FLT1: variants seen among roughly 807,000 people sequenced by gnomAD.
FLT1 encodes the protein fms related receptor tyrosine kinase 1.
Under a neutral mutation model 156.3 loss-of-function variants are expected in FLT1, and 49 were observed. That is an observed-to-expected ratio of 0.31 (90% confidence interval 0.25 to 0.40). FLT1 has a LOEUF of 0.40. Among genes scored for constraint, FLT1 ranks in the 10% least tolerant of loss-of-function variants. The probability of loss-of-function intolerance (pLI) is 1.00; values close to 1 mark genes in which losing one functional copy is unlikely to be tolerated. For missense variants in FLT1, 1,322 were observed against 1,637.2 expected (o/e 0.81, Z 3.32); for synonymous variants, 594 against 583.8 (o/e 1.02, Z -0.25).
chr13:28,435,942 G>A (rs573967462), intron 4 of FLT1, among the ~76,000 whole-genome samples: 1 of 152,302 alleles, frequency 6.6e-6, no homozygotes, highest in South Asian at 2.1e-4. Flanking sequence ...ATTTAAGTCA[G>A]GGACTGAAAT....
At chr13:28,433,397 T>C (rs924650098) in intron 6 of FLT1, among the ~76,000 whole-genome samples, 14 of 152,320 alleles carry the variant, frequency 9.2e-5, no homozygotes, top group African/African-American at 3.1e-4. Context: ...TGCCTGACTG[T>C]CTGCCAGTAT....
intron 25 of FLT1, among the ~76,000 whole-genome samples, chr13:28,315,262 AAC>A (rs1871152178): frequency 6.6e-6 from 1 of 152,232 alleles, no homozygotes; most frequent in South Asian, 2.1e-4. Context: ...TTATAATAAA[AAC>A]TAATTTCAGG....
chr13:28,324,679 G>C (rs1871602828), intron 20 of FLT1, among the ~76,000 whole-genome samples: 3 of 152,212 alleles, frequency 2.0e-5, no homozygotes, highest in Admixed American at 6.5e-5. Flanking sequence ...TCCTTTGTGG[G>C]ACAGAAGGCA....
chr13:28,398,436 T>C (rs1268990090), intron 11 of FLT1, among the ~76,000 whole-genome samples: 1 of 152,240 alleles, frequency 6.6e-6, no homozygotes, highest in African/African-American at 2.4e-5. Flanking sequence ...TTCTAAGTAA[T>C]GTGCTAGGCA....
rs759739824 is a variant in FLT1, at chr13:28,390,109, A to G, written c.1661-5T>C. The G allele has an allele frequency of 5.6e-6, 9 of 1,611,694 alleles. No individual in the cohort carries two copies. Among genetic ancestry groups the G allele is most frequent in the African/African-American group, 2.7e-5 (2 of 74,902 alleles). On this transcript the variant is annotated splice_polypyrimidine_tract_variant and splice_region_variant and intron_variant, in intron 12 of 29. Coordinates refer to ENST00000282397, the MANE Select transcript of FLT1 (RefSeq NM_002019.4). ...CATGAAACCCATTTGGCACATCTAT[A>G]AAATAAGAATAAAGAACTTCAGTTC...
chr13:28,450,779 G>T (rs1878884644), intron 3 of FLT1, among the ~76,000 whole-genome samples: 1 of 152,172 alleles, frequency 6.6e-6, no homozygotes, highest in Non-Finnish European at 1.5e-5. Context: ...CTGAGGCCCA[G>T]AGAGGAGAGA....
intron 16 of FLT1, among the ~76,000 whole-genome samples, chr13:28,344,007 G>GC (rs1555302045): frequency 2.1e-5 from 3 of 146,172 alleles, no homozygotes; most frequent in African/African-American, 4.9e-5. Flanking sequence ...ATTCACTCTT[G>GC]CCCCCCACCA....
At chr13:28,490,919 G>T (rs1207138563) in intron 1 of FLT1, among the ~76,000 whole-genome samples, 1 of 152,166 alleles carries the variant, frequency 6.6e-6, no homozygotes, top group Admixed American at 6.5e-5. Flanking sequence ...ACACCAGCAG[G>T]CTTCGCATTT....
chr13:28,465,839 AAAAC>A (rs10673633), intron 3 of FLT1, among the ~76,000 whole-genome samples: 6 of 151,906 alleles, frequency 3.9e-5, no homozygotes, highest in East Asian at 1.9e-4. Flanking sequence ...CCATCTCAAA[AAAAC>A]AAACAAACAA....
At chr13:28,433,428 G>C (rs571017890) in intron 6 of FLT1, among the ~76,000 whole-genome samples, 82 of 152,322 alleles carry the variant, frequency 5.4e-4, no homozygotes, top group African/African-American at 1.7e-3. Context: ...TGCGCTGACA[G>C]AGACAGCCTC....
At chr13:28,356,724 G>A (rs956357114) in intron 15 of FLT1, among the ~76,000 whole-genome samples, 15 of 152,134 alleles carry the variant, frequency 9.9e-5, no homozygotes, top group African/African-American at 3.4e-4. Context: ...TTCTGAAGTC[G>A]ACTGGTTAGC....
chr13:28,308,821 G>A (rs574300641), intron 28 of FLT1, 22 bp downstream of exon 28: 1 of 1,485,524 alleles, frequency 6.7e-7, no homozygotes. Flanking sequence ...GGTGCACTAG[G>A]TACCTTAACT....
intron 15 of FLT1, among the ~76,000 whole-genome samples, chr13:28,350,102 G>A (rs11618908): frequency 0.036 from 5,451 of 152,294 alleles, 289 homozygotes; most frequent in Admixed American, 0.15. Context: ...GATGAGCTAA[G>A]TGCATGAGAT....
At chr13:28,311,538 C>CTTTTT in intron 27 of FLT1, 52 bp downstream of exon 27, 2 of 1,432,554 alleles carry the variant, frequency 1.4e-6, no homozygotes, top group Non-Finnish European at 1.9e-6. Flanking sequence ...TTCTTTCCTT[C>CTTTTT]TTTTTTTTGT....
chr13:28,340,107 T>C (rs896513043), intron 16 of FLT1, among the ~76,000 whole-genome samples: 10 of 151,914 alleles, frequency 6.6e-5, no homozygotes, highest in Non-Finnish European at 1.0e-4. Context: ...CCCAGCTACT[T>C]GGGAGGCTGA....
intron 27 of FLT1, among the ~76,000 whole-genome samples, chr13:28,310,148 C>T (rs1032737775): frequency 6.6e-6 from 1 of 152,122 alleles, no homozygotes; most frequent in Non-Finnish European, 1.5e-5. Context: ...TCTCGGCCTC[C>T]CAGAGTGCTG....
At chr13:28,409,926 C>G (rs9508025) in intron 10 of FLT1, among the ~76,000 whole-genome samples, 45,314 of 151,382 alleles carry the variant, frequency 0.3, 7,098 homozygotes, top group East Asian at 0.48. Flanking sequence ...CTAAACATCT[C>G]TCATCTCACA....
intron 1 of FLT1, among the ~76,000 whole-genome samples, chr13:28,490,662 C>T (rs895761939): frequency 6.6e-6 from 1 of 152,104 alleles, no homozygotes; most frequent in Admixed American, 6.5e-5. Context: ...AAACGAAGGC[C>T]AATGGAGCAG....
intron 13 of FLT1, chr13:28,388,493 GATCAATCAT>G: frequency 1.9e-6 from 2 of 1,036,070 alleles, no homozygotes; most frequent in Non-Finnish European, 2.3e-6. Context: ...CACATATAAT[GATCAATCAT>G]AAATAAAAAC....
Sources: allele counts gnomAD v4.1 joint callset (sites outside exome capture counted in the v4.1 genomes callset), GRCh38; gene constraint gnomAD v4.1.1; transcripts MANE v1.5; gene names NCBI Gene and HGNC (gene_info 2026-07-23, HGNC 2026-07-21).